Variants in CACNG3 observed in about 807,000 individuals in gnomAD.
CACNG3 encodes the protein voltage-dependent calcium channel gamma-3 subunit.
Under a neutral mutation model 28.5 loss-of-function variants are expected in CACNG3, and 3 were observed. The observed-to-expected ratio is 0.11, with a 90% CI of 0.05 to 0.27. CACNG3 has a LOEUF of 0.27. Among genes scored for constraint, CACNG3 ranks in the 10% least tolerant of loss-of-function variants. CACNG3 has a pLI of 1.00. For missense variants in CACNG3, 236 were observed against 414.4 expected, an observed-to-expected ratio of 0.57 and a Z score of 3.74; for synonymous variants, 174 against 162.2, an observed-to-expected ratio of 1.07 and a Z score of -0.55.
intron 1 of CACNG3, among the ~76,000 whole-genome samples, chr16:24,332,464 C>A (rs1425677532): frequency 8.0e-4 from 108 of 135,432 alleles, no homozygotes; most frequent in Admixed American, 1.3e-3. Context: ...GACCCTGTCT[C>A]AAAAAAAAAA....
intron 1 of CACNG3, among the ~76,000 whole-genome samples, chr16:24,280,825 A>G (rs1898816577): frequency 6.7e-6 from 1 of 149,590 alleles, no homozygotes; most frequent in Admixed American, 6.6e-5. Flanking sequence ...TTGTCTCAAA[A>G]AAAAAAAAAA....
intron 3 of CACNG3, among the ~76,000 whole-genome samples, chr16:24,357,330 C>T (rs1440897122): frequency 1.3e-5 from 2 of 151,744 alleles, no homozygotes; most frequent in Non-Finnish European, 2.9e-5. Context: ...TCAATTATCT[C>T]CACCTGGCTC....
At chr16:24,355,837 T>G (rs1900024788) in intron 3 of CACNG3, among the ~76,000 whole-genome samples, 1 of 152,150 alleles carries the variant, frequency 6.6e-6, no homozygotes, top group African/African-American at 2.4e-5. Context: ...AATCCTCATA[T>G]CATTCCAAGC....
rs2049947949 is a variant in CACNG3, at chr16:24,361,656, G to A, written c.741G>A (p.Leu247=). Reference sequence around the variant, plus strand: ...CCACCGAGCCCAGATCCCGAGACCTGTCCCCCATCAGCAAAGGCTTCCACA... The same window carrying A: ...CCACCGAGCCCAGATCCCGAGACCTATCCCCCATCAGCAAAGGCTTCCACA... ...SRSTEPRSRD[L]SPISKGFHTI... is the part of the protein sequence containing the mutation. The change falls in exon 4 of 4, where the codon CTG becomes CTA. Residue 247 remains leucine, a synonymous_variant. Transcript: ENST00000005284. This position sits in a 1 kb window ranked among gnomAD's most constrained non-coding sequence, Gnocchi z 6.8. 2 of 1,613,482 alleles carry A rather than the reference G, an allele frequency of 1.2e-6. No individual in the cohort carries two copies. Among genetic ancestry groups the A allele is most frequent in the Non-Finnish European group, 1.7e-6 (2 of 1,179,908 alleles).
rs1257424817 is a variant in CACNG3 at position 24,362,183 on chromosome 16, G to A, written c.*320G>A. ...GAAGAGGACTTTACTAAAAGTCACA[G>A]GTGGTGGCCAGGGGGGATTTCCGAA... On this transcript the variant is annotated 3_prime_UTR_variant, in exon 4 of 4. Coordinates refer to ENST00000005284, the MANE Select transcript of CACNG3 (RefSeq NM_006539.4). 1 of 231,070 alleles carries A rather than the reference G, an allele frequency of 4.3e-6. No homozygotes were observed. The highest frequency in any genetic ancestry group is 8.5e-6 in the Non-Finnish European group (1 of 118,250). 14.3% of individuals were successfully genotyped at this position (231,070 alleles called of 1,614,324 possible). A position where few individuals can be genotyped will look rare whatever the true frequency, so the allele number is the denominator to read the frequency against.
chr16:24,269,746 C>CACAAAAAA (rs1898659740), intron 1 of CACNG3, among the ~76,000 whole-genome samples: 1 of 71,082 alleles, frequency 1.4e-5, no homozygotes, highest in Non-Finnish European at 2.9e-5. Context: ...GACTCCATCT[C>CACAAAAAA]AAAAAAAAAA....
chr16:24,309,312 G>C (rs1475292103), intron 1 of CACNG3, among the ~76,000 whole-genome samples: 1 of 152,226 alleles, frequency 6.6e-6, no homozygotes, highest in Non-Finnish European at 1.5e-5. Context: ...GGGAGTCTCA[G>C]AGAGGTTAAG....
intron 1 of CACNG3, among the ~76,000 whole-genome samples, chr16:24,274,746 CTTAAG>C (rs1414913725): frequency 1.3e-5 from 2 of 152,194 alleles, no homozygotes; most frequent in East Asian, 1.9e-4. Flanking sequence ...GCCATTAGCA[CTTAAG>C]TTAACAACAG....
At chr16:24,309,497 G>A (rs1273444244) in intron 1 of CACNG3, among the ~76,000 whole-genome samples, 1 of 152,208 alleles carries the variant, frequency 6.6e-6, no homozygotes, top group African/African-American at 2.4e-5. Flanking sequence ...CTGGCGGGCT[G>A]CCACATGACT....
At position 24,322,763 on chromosome 16, in the gene CACNG3, G is replaced by A. The variant is rs143328043; in HGVS notation, c.212-23971G>A. On this transcript the variant is annotated intron_variant, in intron 1 of 3. Coordinates refer to ENST00000005284, the MANE Select transcript of CACNG3 (RefSeq NM_006539.4). Reference sequence around the variant, plus strand: ...CATATTGAGACATATCTATATTCATGTCTTTATCTGTGATTATGTCTATAA... The same window carrying A: ...CATATTGAGACATATCTATATTCATATCTTTATCTGTGATTATGTCTATAA... 3.5e-4 allele frequency among the ~76,000 whole-genome samples: 54 copies of A among 152,124 alleles called. 1 individual carries two copies. The East Asian group carries it at 0.01, about 29-fold the overall frequency.
At chr16:24,319,096 T>C (rs1899423588) in intron 1 of CACNG3, among the ~76,000 whole-genome samples, 1 of 152,264 alleles carries the variant, frequency 6.6e-6, no homozygotes, top group African/African-American at 2.4e-5. Context: ...TTATAAAGTT[T>C]CCTTTGAAAA....
chr16:24,270,893 T>A (rs1403136665), intron 1 of CACNG3, among the ~76,000 whole-genome samples: 1 of 152,124 alleles, frequency 6.6e-6, no homozygotes, highest in Non-Finnish European at 1.5e-5. Flanking sequence ...AGTGGCTCAC[T>A]GGGGGATGGG....
chr16:24,274,196 A>C (rs1398713740), intron 1 of CACNG3, among the ~76,000 whole-genome samples: 6 of 146,938 alleles, frequency 4.1e-5, no homozygotes, highest in Admixed American at 1.3e-4. Flanking sequence ...CAAAAAAAAA[A>C]AAAACAAAAA....
chr16:24,318,234 C>G (rs1412955057), intron 1 of CACNG3, among the ~76,000 whole-genome samples: 1 of 152,106 alleles, frequency 6.6e-6, no homozygotes, highest in African/African-American at 2.4e-5. Context: ...CTCTGTCACC[C>G]AGGCTGGAGT....
intron 1 of CACNG3, among the ~76,000 whole-genome samples, chr16:24,318,098 A>G (rs113066612): frequency 2.5e-3 from 385 of 152,236 alleles, no homozygotes; most frequent in African/African-American, 9.1e-3. Context: ...CATCTCTCCC[A>G]TATTCACAAA....
At chr16:24,264,741 A>G (rs1596619897) in intron 1 of CACNG3, among the ~76,000 whole-genome samples, 1 of 152,240 alleles carries the variant, frequency 6.6e-6, no homozygotes, top group African/African-American at 2.4e-5. Flanking sequence ...GCAATTTGAA[A>G]TGTTAGACAA....
intron 2 of CACNG3, among the ~76,000 whole-genome samples, chr16:24,351,684 A>C (rs1899945749): frequency 6.9e-6 from 1 of 144,566 alleles, no homozygotes; most frequent in Non-Finnish European, 1.5e-5. Context: ...GAAAGAAAGA[A>C]GGAAAGAAAG....
chr16:24,258,499 T>C (rs2141342322), intron 1 of CACNG3, among the ~76,000 whole-genome samples: 1 of 152,334 alleles, frequency 6.6e-6, no homozygotes, highest in South Asian at 2.1e-4. Context: ...GATTAGGTGG[T>C]CTTGAATTAA....
chr16:24,316,472 G>A (rs1899354010), intron 1 of CACNG3, among the ~76,000 whole-genome samples: 1 of 152,102 alleles, frequency 6.6e-6, no homozygotes, highest in Non-Finnish European at 1.5e-5. Flanking sequence ...TCTCTCCTCA[G>A]TGAGACAAAG....
Sources: gnomAD v4.1 joint callset for allele counts (sites outside exome capture counted in the v4.1 genomes callset) on GRCh38, gnomAD v4.1.1 for gene constraint, Gnocchi (gnomAD v3.1) non-coding constraint, MANE v1.5 for transcripts, NCBI Gene and HGNC (gene_info 2026-07-23, HGNC 2026-07-21) for gene names.